Variants in RIMKLA observed in about 807,000 individuals in gnomAD.
RIMKLA encodes the protein ribosomal modification protein rimK like family member A.
A neutral mutation model predicts 32.7 loss-of-function variants in RIMKLA; 14 were observed. The ratio of observed to expected loss-of-function variants is 0.43; its 90% CI spans 0.28 to 0.67. The LOEUF is 0.67. Ranked by LOEUF, RIMKLA falls within the 30% of genes least tolerant of loss-of-function variation. RIMKLA has a pLI of 0.18. For missense variants in RIMKLA, 410 were observed against 519.0 expected, an observed-to-expected ratio of 0.79 and a Z score of 2.04; for synonymous variants, 176 against 204.1, an observed-to-expected ratio of 0.86 and a Z score of 1.18.
In RIMKLA at chr1:42,424,161, T is replaced by G. The variant is rs563726328; in HGVS notation, c.*9187T>G. The stretch of plus-strand genomic sequence containing the variant: ...GTCAATTTCCTCATTTTGGTGATTG[T>G]TCTAATAAGAATACGTAAGAATGTG... On this transcript the variant is annotated 3_prime_UTR_variant, in exon 5 of 5. Coordinates refer to ENST00000431473, the MANE Select transcript of RIMKLA (RefSeq NM_173642.4). Among the ~76,000 whole-genome samples, 1 of 152,334 alleles carries G rather than the reference T, an allele frequency of 6.6e-6. No individual in the cohort carries two copies. The highest frequency in any genetic ancestry group is 2.1e-4 in the South Asian group (1 of 4,828).
At chr1:42,403,145 TCTTA>T (rs973235937) in intron 2 of RIMKLA, among the ~76,000 whole-genome samples, 2 of 152,134 alleles carry the variant, frequency 1.3e-5, no homozygotes, top group African/African-American at 2.4e-5. Flanking sequence ...AACCTCCCTC[TCTTA>T]CTTAATGAAT....
At chr1:42,397,756 T>C (rs1426541876) in intron 1 of RIMKLA, among the ~76,000 whole-genome samples, 2 of 152,204 alleles carry the variant, frequency 1.3e-5, no homozygotes, top group African/African-American at 4.8e-5. Context: ...ATATATTCTT[T>C]AGAGCATTTT....
In RIMKLA at chr1:42,414,775, C is replaced by A. The variant is rs199674761; in HGVS notation, c.977C>A (p.Pro326Gln). 14 of 1,614,084 alleles carry A rather than the reference C, an allele frequency of 8.7e-6. No individual in the cohort carries two copies. In the East Asian group the frequency reaches 2.9e-4, roughly 33 times the overall value. ...TCGAGTCCAAGGGAGAAGAACGAGC[C>A]GGATGGCTGTGCTTCAGCTCAGGGA... ...GLSSPREKNE[P>Q]DGCASAQGVA... is the part of the protein sequence containing the mutation. Residue 326 changes from proline to glutamine, a missense_variant, in exon 5 of 5, where the codon CCG becomes CAG. Physicochemically the swap from Pro to Gln is moderately conservative, Grantham distance 76. Coordinates refer to ENST00000431473, the MANE Select transcript of RIMKLA (RefSeq NM_173642.4).
At chr1:42,414,428 G>GA in intron 4 of RIMKLA, 56 bp from the exon 5 acceptor site, 3 of 1,577,638 alleles carry the variant, frequency 1.9e-6, no homozygotes, top group Non-Finnish European at 2.6e-6. Context: ...TCTCTTCTTT[G>GA]AAGAGTCATC....
At chr1:42,384,665 C>T (rs903322954) in intron 1 of RIMKLA, among the ~76,000 whole-genome samples, 1 of 150,026 alleles carries the variant, frequency 6.7e-6, no homozygotes, top group Non-Finnish European at 1.5e-5. Context: ...TTATTCTGTG[C>T]TGGGCATAGG....
At position 42,415,738 on chromosome 1, in the gene RIMKLA, T is replaced by C. The variant is rs1643241041; in HGVS notation, c.*764T>C. 6.6e-6 allele frequency: 1 copy of C among 152,250 alleles called. No individual in the cohort carries two copies. The highest frequency in any genetic ancestry group is 1.5e-5 in the Non-Finnish European group (1 of 68,054). The allele number at this position is 152,250 out of a possible 1,614,324, so 9.4% of individuals were successfully genotyped here. The stretch of plus-strand genomic sequence containing the variant: ...CTGGAAATGCACTTCAATGAGCTAG[T>C]GGCCACTCAGTTTATTTCTTAAGCG... On this transcript the variant is annotated 3_prime_UTR_variant, in exon 5 of 5. Transcript: ENST00000431473.
At chr1:42,411,861 A>G (rs1643201682) in intron 4 of RIMKLA, among the ~76,000 whole-genome samples, 3 of 151,900 alleles carry the variant, frequency 2.0e-5, no homozygotes, top group Non-Finnish European at 4.4e-5. Context: ...TAGTGGAGAC[A>G]GGGTTTCACC....
chr1:42,406,685 T>C (rs1344037470), intron 3 of RIMKLA, among the ~76,000 whole-genome samples: 1 of 145,604 alleles, frequency 6.9e-6, no homozygotes, highest in African/African-American at 2.6e-5. Context: ...TTATTTGTTA[T>C]GTAAGTATGT....
Position 42,421,254 on chromosome 1 carries a change from G to A in RIMKLA, c.*6280G>A, listed in dbSNP as rs1643292863. On this transcript the variant is annotated 3_prime_UTR_variant, in exon 5 of 5. Coordinates refer to ENST00000431473, the MANE Select transcript of RIMKLA (RefSeq NM_173642.4). This position sits in a 1 kb window ranked among gnomAD's most constrained non-coding sequence, Gnocchi z 4.6. ...CCGACCTGGAAAGCAGCCTGACCTT[G>A]GATGATTTAGCACCTGGGTTTTTTG... 6.6e-6 allele frequency: 1 copy of A among 152,300 alleles called. No homozygotes were observed. 9.4% of individuals were successfully genotyped at this position (152,300 alleles called of 1,614,324 possible).
chr1:42,385,806 T>TC (rs1473722964), intron 1 of RIMKLA, among the ~76,000 whole-genome samples: 22 of 93,374 alleles, frequency 2.4e-4, no homozygotes, highest in Admixed American at 4.2e-4. Context: ...TTTCTCTCTC[T>TC]CTTTCCTTCC....
intron 1 of RIMKLA, 39 bp from the exon 2 acceptor site, chr1:42,399,365 A>G (rs746956520): frequency 1.4e-6 from 2 of 1,420,208 alleles, no homozygotes; most frequent in East Asian, 4.7e-5. Flanking sequence ...GGACTAAACG[A>G]TAGCAGGCAC....
intron 3 of RIMKLA, among the ~76,000 whole-genome samples, chr1:42,405,559 C>T (rs941723891): frequency 3.3e-5 from 5 of 152,196 alleles, no homozygotes; most frequent in African/African-American, 1.2e-4. Flanking sequence ...TAAATAGATA[C>T]ATAGTGAGCA....
At chr1:42,385,775 C>G (rs56277827) in intron 1 of RIMKLA, among the ~76,000 whole-genome samples, 13,539 of 52,766 alleles carry the variant, frequency 0.26, 1,506 homozygotes, top group Middle Eastern at 0.39. Flanking sequence ...TTCTTTGTTT[C>G]TTTGTTTGTT....
At chr1:42,394,767 G>A (rs904468214) in intron 1 of RIMKLA, among the ~76,000 whole-genome samples, 11 of 150,214 alleles carry the variant, frequency 7.3e-5, no homozygotes, top group African/African-American at 1.2e-4. Context: ...ACGGAGTTTC[G>A]CTCTTGTTGC....
rs1643239710 is a variant in RIMKLA at position 42,415,586 on chromosome 1, T to G, written c.*612T>G. On this transcript the variant is annotated 3_prime_UTR_variant, in exon 5 of 5. Transcript: ENST00000431473. ...ATTGAACGTTCTTTGACTTCACAGG[T>G]TGGCAAATGTCCTGCTTTGTAACTG... The G allele has an allele frequency of 3.3e-5, 5 of 152,404 alleles. No homozygotes were observed. Among genetic ancestry groups the G allele is most frequent in the Admixed American group, 3.3e-4 (5 of 15,310 alleles). The allele number at this position is 152,404 out of a possible 1,614,324, so 9.4% of individuals were successfully genotyped here.
At chr1:42,410,291 CT>C in intron 4 of RIMKLA, 104 bp downstream of exon 4, 1 of 914,314 alleles carries the variant, frequency 1.1e-6, no homozygotes, top group Non-Finnish European at 1.7e-6. Flanking sequence ...ACACCAGGAT[CT>C]CACAGATGAG....
intron 1 of RIMKLA, among the ~76,000 whole-genome samples, chr1:42,381,899 G>GT (rs1642892682): frequency 1.3e-5 from 2 of 152,222 alleles, no homozygotes; most frequent in African/African-American, 4.8e-5. Flanking sequence ...CTGGCTTGCT[G>GT]TTTGAGTGTC....
At position 42,416,975 on chromosome 1, in the gene RIMKLA, T is replaced by C. The variant is rs1643254494; in HGVS notation, c.*2001T>C. ...GTTGAAAAATAATACTTCACCTTTATATAGGTTAAGATATGTACCTTATCT... is the reference window on the plus strand; with the variant it reads ...GTTGAAAAATAATACTTCACCTTTACATAGGTTAAGATATGTACCTTATCT... On this transcript the variant is annotated 3_prime_UTR_variant, in exon 5 of 5. Transcript: ENST00000431473. The C allele has an allele frequency of 6.6e-6, 1 of 152,350 alleles. No homozygotes were observed. Among genetic ancestry groups the C allele is most frequent in the South Asian group, 2.1e-4 (1 of 4,834 alleles). 9.4% of individuals were successfully genotyped at this position (152,350 alleles called of 1,614,324 possible).
chr1:42,386,713 T>TAAA (rs34046316), intron 1 of RIMKLA, among the ~76,000 whole-genome samples: 2 of 140,034 alleles, frequency 1.4e-5, no homozygotes, highest in African/African-American at 5.3e-5. Flanking sequence ...CCGTCTCTAC[T>TAAA]AAAAAAAAAA....
Sources: gnomAD v4.1 joint callset for allele counts (sites outside exome capture counted in the v4.1 genomes callset) on GRCh38, gnomAD v4.1.1 for gene constraint, Gnocchi (gnomAD v3.1) non-coding constraint, MANE v1.5 for transcripts, NCBI Gene and HGNC (gene_info 2026-07-23, HGNC 2026-07-21) for gene names.